Variants in NEK11 observed in about 807,000 individuals in gnomAD.
NEK11 encodes serine/threonine-protein kinase Nek11.
NEK11 carries 72 observed loss-of-function variants against 80.7 expected under a neutral mutation model. That is an observed-to-expected ratio of 0.89 (90% CI 0.74 to 1.08). The LOEUF is 1.08. Among genes scored for constraint, NEK11 ranks in the 50% least tolerant of loss-of-function variants. The pLI, the probability that NEK11 is intolerant of heterozygous loss-of-function variation, is 0.00. For synonymous variants in NEK11, 251 were observed against 260.7 expected (o/e 0.96, Z 0.36); for missense variants, 764 against 763.6 (o/e 1.00, Z -0.01).
intron 16 of NEK11, among the ~76,000 whole-genome samples, chr3:131,267,462 G>A (rs767217693): frequency 6.6e-6 from 1 of 152,200 alleles, no homozygotes; most frequent in Non-Finnish European, 1.5e-5. Context: ...TAGTTTAGCT[G>A]GATATGACAT....
chr3:131,210,944 C>G (rs1002215100), intron 14 of NEK11, among the ~76,000 whole-genome samples: 3 of 152,134 alleles, frequency 2.0e-5, no homozygotes, highest in Non-Finnish European at 2.9e-5. Flanking sequence ...CAGTCTGTGT[C>G]TTTTAATTGG....
At chr3:131,212,530 GA>G (rs138203324) in intron 14 of NEK11, among the ~76,000 whole-genome samples, 19,879 of 152,156 alleles carry the variant, frequency 0.13, 1,428 homozygotes, top group African/African-American at 0.16. Context: ...AGCTCAGTTG[GA>G]AATGCAGAAT....
At chr3:131,145,632 CT>C (rs1392405432) in intron 7 of NEK11, among the ~76,000 whole-genome samples, 1 of 152,058 alleles carries the variant, frequency 6.6e-6, no homozygotes, top group Non-Finnish European at 1.5e-5. Context: ...AGGGCTAGCC[CT>C]GATTTCCAAC....
chr3:131,273,390 A>G, intron 16 of NEK11, 88 bp from the exon 17 acceptor site: 1 of 905,750 alleles, frequency 1.1e-6, no homozygotes, highest in Admixed American at 1.9e-5. Context: ...AAGGTGGATT[A>G]GCTTCTGTTT....
At chr3:131,145,396 C>T (rs2087951571) in intron 7 of NEK11, among the ~76,000 whole-genome samples, 1 of 152,058 alleles carries the variant, frequency 6.6e-6, no homozygotes, top group African/African-American at 2.4e-5. Context: ...GTTAATAGAC[C>T]ACTAAGCCCT....
chr3:131,141,299 A>T (rs184938425), intron 7 of NEK11, among the ~76,000 whole-genome samples: 17 of 152,246 alleles, frequency 1.1e-4, no homozygotes, highest in Admixed American at 8.5e-4. Flanking sequence ...ACAGCTGGGG[A>T]TAGGGGTAGA....
chr3:131,250,834 A>G (rs896780159), intron 16 of NEK11, among the ~76,000 whole-genome samples: 2 of 152,136 alleles, frequency 1.3e-5, no homozygotes, highest in Non-Finnish European at 2.9e-5. Flanking sequence ...ATGAATTAGA[A>G]GTTATTAGAA....
chr3:131,305,538 A>G (rs2096714296), intron 17 of NEK11, among the ~76,000 whole-genome samples: 1 of 152,062 alleles, frequency 6.6e-6, no homozygotes, highest in Non-Finnish European at 1.5e-5. Flanking sequence ...CTCCTAAAGG[A>G]GCATGGTGAG....
chr3:131,314,743 A>G (rs1269351315), intron 17 of NEK11, among the ~76,000 whole-genome samples: 1 of 152,222 alleles, frequency 6.6e-6, no homozygotes, highest in Middle Eastern at 3.2e-3. Flanking sequence ...AACTTGAGCA[A>G]TTCCTTCAGC....
intron 14 of NEK11, among the ~76,000 whole-genome samples, chr3:131,219,863 A>C (rs1279933492): frequency 6.6e-6 from 1 of 152,208 alleles, no homozygotes; most frequent in Non-Finnish European, 1.5e-5. Context: ...TGGGAAGAGA[A>C]TTTGTGTGGG....
intron 3 of NEK11, among the ~76,000 whole-genome samples, chr3:131,034,312 A>G (rs1453118768): frequency 1.3e-5 from 2 of 152,232 alleles, no homozygotes; most frequent in Non-Finnish European, 2.9e-5. Flanking sequence ...AAAATTTATC[A>G]CATTTAAGAT....
At chr3:131,104,945 A>T (rs927680299) in intron 4 of NEK11, among the ~76,000 whole-genome samples, 1 of 152,112 alleles carries the variant, frequency 6.6e-6, no homozygotes, top group Non-Finnish European at 1.5e-5. Context: ...CTGGCTCTGC[A>T]CCAATCCTGG....
intron 16 of NEK11, among the ~76,000 whole-genome samples, chr3:131,243,903 G>T (rs1475776205): frequency 1.3e-5 from 2 of 151,988 alleles, no homozygotes; most frequent in African/African-American, 4.8e-5. Context: ...AAGAGATTTG[G>T]TCTGAAAAAC....
At chr3:131,249,297 G>C (rs1348664705) in intron 16 of NEK11, among the ~76,000 whole-genome samples, 1 of 152,028 alleles carries the variant, frequency 6.6e-6, no homozygotes. Context: ...TAGGCTAGGA[G>C]AAGCAAGGCA....
At chr3:131,316,796 A>G (rs1030499770) in intron 17 of NEK11, among the ~76,000 whole-genome samples, 1 of 152,126 alleles carries the variant, frequency 6.6e-6, no homozygotes, top group Non-Finnish European at 1.5e-5. Context: ...TCAGCTTGCG[A>G]GTTTTTTGAA....
intron 7 of NEK11, among the ~76,000 whole-genome samples, chr3:131,138,266 C>T (rs967941190): frequency 2.0e-5 from 3 of 152,116 alleles, no homozygotes; most frequent in Non-Finnish European, 2.9e-5. Context: ...TCAGTGGTAG[C>T]CTGGGAATGT....
At position 131,106,471 on chromosome 3, in the gene NEK11, A is replaced by G. The variant is rs146965932; in HGVS notation, c.337-3332A>G. Among the ~76,000 whole-genome samples, 201 of 152,244 alleles carry G rather than the reference A, an allele frequency of 1.3e-3. 1 individual carries two copies. The highest frequency in any genetic ancestry group is 4.7e-3 in the African/African-American group (194 of 41,556). The stretch of plus-strand genomic sequence containing the variant: ...TCACCTTAAGTTATTTTTCTTGCTG[A>G]CAAGCTATGTCACATAGAGATAACA... On this transcript the variant is annotated intron_variant, in intron 4 of 17. Coordinates refer to ENST00000383366, the MANE Select transcript of NEK11 (RefSeq NM_024800.5).
intron 14 of NEK11, among the ~76,000 whole-genome samples, chr3:131,225,956 G>A (rs955958508): frequency 5.3e-5 from 8 of 152,178 alleles, no homozygotes. Context: ...CCATGTCGTA[G>A]TTTGAAAGCC....
At chr3:131,247,503 GT>G (rs2095622833) in intron 16 of NEK11, among the ~76,000 whole-genome samples, 1 of 152,074 alleles carries the variant, frequency 6.6e-6, no homozygotes, top group African/African-American at 2.4e-5. Context: ...CCAGTACCAT[GT>G]TGTTTTGATG....
Sources: allele counts gnomAD v4.1 joint callset (sites outside exome capture counted in the v4.1 genomes callset), GRCh38; gene constraint gnomAD v4.1.1; transcripts MANE v1.5; gene names NCBI Gene and HGNC (gene_info 2026-07-23, HGNC 2026-07-21).